Variants in KCNQ1 observed in about 807,000 individuals in gnomAD.
KCNQ1 encodes potassium voltage-gated channel subfamily Q member 1.
A neutral mutation model predicts 72.4 loss-of-function variants in KCNQ1; 49 were observed. The observed-to-expected ratio is 0.68, with a 90% CI of 0.54 to 0.86. KCNQ1 has a LOEUF of 0.86. Among genes scored for constraint, KCNQ1 ranks in the 40% least tolerant of loss-of-function variants. The probability of loss-of-function intolerance (pLI) is 0.00; values close to 1 mark genes in which losing one functional copy is unlikely to be tolerated. For synonymous variants in KCNQ1, 450 were observed against 412.6 expected, an observed-to-expected ratio of 1.09 and a Z score of -1.10; for missense variants, 790 against 945.1, an observed-to-expected ratio of 0.84 and a Z score of 2.15.
chr11:2,589,684 C>T (rs546182788), intron 10 of KCNQ1, among the ~76,000 whole-genome samples: 14 of 152,274 alleles, frequency 9.2e-5, no homozygotes, highest in Admixed American at 7.2e-4. Flanking sequence ...TGGTTGTGGC[C>T]CCCCCATGCC....
Position 2,587,604 on chromosome 11 carries a change from A to G in KCNQ1, c.1163A>G (p.Asp388Gly). Residue 388 changes from aspartate to glycine, a missense_variant, in exon 9 of 16, where the codon GAC becomes GGC. Transcript: ENST00000155840. ...AWRCYAAENP[D>G]SSTWKIYIRK... ...AGGTGCTATGCTGCCGAGAACCCCG[A>G]CTCCTCCACCTGGAAGATCTACATC... 6.2e-7 allele frequency: 1 copy of G among 1,613,194 alleles called. No individual in the cohort carries two copies. The highest frequency in any genetic ancestry group is 8.5e-7 in the Non-Finnish European group (1 of 1,179,840).
At chr11:2,777,770 C>G in intron 14 of KCNQ1, 1 of 634,716 alleles carries the variant, frequency 1.6e-6, no homozygotes, top group East Asian at 2.7e-5. Context: ...GGATGGAGCC[C>G]AGGTCCCCAG....
Position 2,678,774 on chromosome 11 carries a change from G to T in KCNQ1, c.1514+16693G>T, listed in dbSNP as rs185255596. The T allele has an allele frequency of 5.4e-4, 214 of 398,620 alleles. 1 individual carries two copies. The highest frequency in any genetic ancestry group is 3.9e-3 in the African/African-American group (191 of 48,736). 24.7% of individuals were successfully genotyped at this position (398,620 alleles called of 1,614,324 possible). On this transcript the variant is annotated intron_variant, in intron 11 of 15. Coordinates refer to ENST00000155840, the MANE Select transcript of KCNQ1 (RefSeq NM_000218.3). The surrounding 1 kb of genome is among the most constrained non-coding windows in gnomAD (Gnocchi z 4.9). ...GGGTGTTTGGGACTGAGGCTTCATC[G>T]TGGCAGCTAATAATGTCAGGGAGCA...
At position 2,653,106 on chromosome 11, in the gene KCNQ1, A is replaced by G. The variant is rs1849782937; in HGVS notation, c.1394-8855A>G. The G allele has an allele frequency of 5.0e-6, 2 of 398,594 alleles. No individual in the cohort carries two copies. The highest frequency in any genetic ancestry group is 8.8e-6 in the Non-Finnish European group (2 of 226,116). The allele number at this position is 398,594 out of a possible 1,614,324, so 24.7% of individuals were successfully genotyped here. A position where few individuals can be genotyped will look rare whatever the true frequency, so the allele number is the denominator to read the frequency against. ...GCAGGGTGTGGAGAGAGGCTCACTG[A>G]AGGTTTGGGGAGATGAGGACTTGCA... On this transcript the variant is annotated intron_variant, in intron 10 of 15. Transcript: ENST00000155840. The surrounding 1 kb of genome is among the most constrained non-coding windows in gnomAD (Gnocchi z 5.3).
rs139042529 is a variant in KCNQ1 at position 2,570,663 on chromosome 11, C to G, written c.513C>G (p.Tyr171Ter). The G allele has an allele frequency of 1.9e-6, 3 of 1,612,506 alleles. No homozygotes were observed. Among genetic ancestry groups the G allele is most frequent in the Non-Finnish European group, 8.5e-7 (1 of 1,180,000 alleles). Residue 171 changes from tyrosine (Y) to a stop codon, truncating the protein, a stop_gained, in exon 3 of 16, where the codon TAC becomes TAG. Coordinates refer to ENST00000155840, the MANE Select transcript of KCNQ1 (RefSeq NM_000218.3). LOFTEE classifies it high-confidence loss of function. ...TGGTGGTGTTCTTCGGGACGGAGTA[C>G]GTGGTCCGCCTCTGGTCCGCCGGCT... is the stretch of plus-strand genomic sequence containing the variant. ...IVLVVFFGTE[Y>*]VVRLWSAGCR...
chr11:2,559,368 G>C lies in KCNQ1; in HGVS notation c.478-11260G>C, dbSNP rs1848124688. Reference sequence around the variant, plus strand: ...GAGGATCAGGAAAGCCCTGGATCTTGTTGACACCCCGGGATGTGCCCTTGT... The same window carrying C: ...GAGGATCAGGAAAGCCCTGGATCTTCTTGACACCCCGGGATGTGCCCTTGT... On this transcript the variant is annotated intron_variant, in intron 2 of 15. Coordinates refer to ENST00000155840, the MANE Select transcript of KCNQ1 (RefSeq NM_000218.3). This position sits in a 1 kb window ranked among gnomAD's most constrained non-coding sequence, Gnocchi z 4.9. Among the ~76,000 whole-genome samples the C allele has an allele frequency of 6.6e-6, 1 of 152,208 alleles. No individual in the cohort carries two copies. The highest frequency in any genetic ancestry group is 1.5e-5 in the Non-Finnish European group (1 of 68,038).
At chr11:2,650,301 G>A in intron 10 of KCNQ1, 1 of 398,422 alleles carries the variant, frequency 2.5e-6, no homozygotes, top group Non-Finnish European at 4.4e-6. Flanking sequence ...TGTTCTTTTG[G>A]CAAGTCATGT....
intron 11 of KCNQ1, among the ~76,000 whole-genome samples, chr11:2,721,090 G>T (rs1056990628): frequency 2.0e-5 from 3 of 152,174 alleles, no homozygotes; most frequent in African/African-American, 4.8e-5. Context: ...GTTTCTAAAA[G>T]GTGGGGAGGG....
At chr11:2,662,210 C>T (rs182419639) in intron 11 of KCNQ1, 129 bp downstream of exon 11, 27 of 1,311,602 alleles carry the variant, frequency 2.1e-5, no homozygotes, top group East Asian at 1.6e-4. Flanking sequence ...CACCACTTGC[C>T]GTCTGCCTGG....
intron 11 of KCNQ1, among the ~76,000 whole-genome samples, chr11:2,733,814 A>ACACACACACACACACCCTCTCTCT: frequency 1.2e-5 from 1 of 86,614 alleles, no homozygotes; most frequent in Non-Finnish European, 2.4e-5. Context: ...ACACACACAC[A>ACACACACACACACACCCTCTCTCT]CTCTCTCACT....
Position 2,849,016 on chromosome 11 carries a change from C to T in KCNQ1, c.*1013C>T, listed in dbSNP as rs754590297. 2.4e-5 allele frequency: 11 copies of T among 454,032 alleles called. No individual in the cohort carries two copies. Among genetic ancestry groups the T allele is most frequent in the South Asian group, 1.6e-4 (10 of 64,484 alleles). The allele number at this position is 454,032 out of a possible 1,614,324, so 28.1% of individuals were successfully genotyped here. A position where few individuals can be genotyped will look rare whatever the true frequency, so the allele number is the denominator to read the frequency against. The stretch of plus-strand genomic sequence containing the variant: ...AGGCTGGGCTGGGCACTGCTCTCAC[C>T]TTGGTTCCTGGGGCATCCATGGGGT... On this transcript the variant is annotated 3_prime_UTR_variant, in exon 16 of 16. Transcript: ENST00000155840.
rs1448923499 is a variant in KCNQ1, at chr11:2,659,104, G to A, written c.1394-2857G>A. 2.5e-5 allele frequency: 10 copies of A among 398,406 alleles called. No homozygotes were observed. Among genetic ancestry groups the A allele is most frequent in the Admixed American group, 1.3e-4 (3 of 22,704 alleles). The allele number at this position is 398,406 out of a possible 1,614,324, so 24.7% of individuals were successfully genotyped here. On this transcript the variant is annotated intron_variant, in intron 10 of 15. Transcript: ENST00000155840. The surrounding 1 kb of genome is among the most constrained non-coding windows in gnomAD (Gnocchi z 4.3). ...TTCATCGTAGGGTCCTCCAACATCC[G>A]GGTTAATTTTTTAAATTTGCATACA... is the stretch of plus-strand genomic sequence containing the variant.
At chr11:2,797,665 G>A (rs141642005) in intron 15 of KCNQ1, among the ~76,000 whole-genome samples, 1 of 152,220 alleles carries the variant, frequency 6.6e-6, no homozygotes, top group Non-Finnish European at 1.5e-5. Context: ...TTACAGTGTA[G>A]TCTGGCCCCT....
rs561399856 is a variant in KCNQ1 at position 2,653,847 on chromosome 11, G to T, written c.1394-8114G>T. 3 of 398,506 alleles carry T rather than the reference G, an allele frequency of 7.5e-6. No homozygotes were observed. Among genetic ancestry groups the T allele is most frequent in the East Asian group, 3.6e-5 (1 of 28,094 alleles). 24.7% of individuals were successfully genotyped at this position (398,506 alleles called of 1,614,324 possible). ...GGACCCCTTTGGGGATGGCCAGAGGGTACCTAAACACTGCACACTAGGAGT... is the reference window on the plus strand; with the variant it reads ...GGACCCCTTTGGGGATGGCCAGAGGTTACCTAAACACTGCACACTAGGAGT... On this transcript the variant is annotated intron_variant, in intron 10 of 15. Coordinates refer to ENST00000155840, the MANE Select transcript of KCNQ1 (RefSeq NM_000218.3). This position sits in a 1 kb window ranked among gnomAD's most constrained non-coding sequence, Gnocchi z 5.3.
At chr11:2,609,101 T>A in intron 10 of KCNQ1, 1 of 398,418 alleles carries the variant, frequency 2.5e-6, no homozygotes. Context: ...TTTTCTAGTT[T>A]CTTGAGGTGG....
At chr11:2,758,928 G>A (rs973579829) in intron 11 of KCNQ1, among the ~76,000 whole-genome samples, 2 of 152,162 alleles carry the variant, frequency 1.3e-5, no homozygotes, top group African/African-American at 4.8e-5. Flanking sequence ...AGACGCAGAG[G>A]GGGTCTTTCT....
At position 2,781,515 on chromosome 11, in the gene KCNQ1, C is replaced by T. The variant is rs888027091; in HGVS notation, c.1794+3478C>T. Among the ~76,000 whole-genome samples, 1 of 152,184 alleles carries T rather than the reference C, an allele frequency of 6.6e-6. No individual in the cohort carries two copies. The highest frequency in any genetic ancestry group is 2.4e-5 in the African/African-American group (1 of 41,450). Reference sequence around the variant, plus strand: ...GAGGTCCGGAGAGAGCTGGCCCTGCCCACTCCCCCTCTGGCCCCACTGGGC... The same window carrying T: ...GAGGTCCGGAGAGAGCTGGCCCTGCTCACTCCCCCTCTGGCCCCACTGGGC... On this transcript the variant is annotated intron_variant, in intron 15 of 15. Transcript: ENST00000155840. The surrounding 1 kb of genome is among the most constrained non-coding windows in gnomAD (Gnocchi z 6.6).
In KCNQ1 at chr11:2,769,587, TG is replaced by T. The variant is rs1846557138; in HGVS notation, c.1590+669del. On this transcript the variant is annotated intron_variant, in intron 12 of 15. Coordinates refer to ENST00000155840, the MANE Select transcript of KCNQ1 (RefSeq NM_000218.3). The surrounding 1 kb of genome is among the most constrained non-coding windows in gnomAD (Gnocchi z 4.6). ...TTGATGGCAGGCATGTCTCCCCTCC[TG>T]CCTTGGGGACATTCCTCGGATGAAG... is the stretch of plus-strand genomic sequence containing the variant. Among the ~76,000 whole-genome samples, 1 of 152,224 alleles carries T rather than the reference TG, an allele frequency of 6.6e-6. No homozygotes were observed. The highest frequency in any genetic ancestry group is 6.5e-5 in the Admixed American group (1 of 15,288).
intron 11 of KCNQ1, chr11:2,666,983 G>C (rs1038113292): frequency 5.0e-6 from 2 of 398,718 alleles, no homozygotes; most frequent in Non-Finnish European, 8.8e-6. Context: ...CCGCCCGGGA[G>C]GGCTGTACAG....
Sources: gnomAD v4.1 joint callset for allele counts (sites outside exome capture counted in the v4.1 genomes callset) on GRCh38, gnomAD v4.1.1 for gene constraint, Gnocchi (gnomAD v3.1) non-coding constraint, MANE v1.5 for transcripts, NCBI Gene and HGNC (gene_info 2026-07-23, HGNC 2026-07-21) for gene names.